SEMA3E: variants seen among roughly 807,000 people sequenced by gnomAD.
SEMA3E encodes semaphorin-3E.
A neutral mutation model predicts 93.6 loss-of-function variants in SEMA3E; 49 were observed. The ratio of observed to expected loss-of-function variants is 0.52; its 90% CI spans 0.42 to 0.66. SEMA3E has a LOEUF of 0.66. Ranked by LOEUF, SEMA3E falls within the 30% of genes least tolerant of loss-of-function variation. The probability of loss-of-function intolerance (pLI) is 0.00; values close to 1 mark genes in which losing one functional copy is unlikely to be tolerated. For synonymous variants in SEMA3E, 363 were observed against 330.7 expected, an observed-to-expected ratio of 1.10 and a Z score of -1.06; for missense variants, 906 against 964.8, an observed-to-expected ratio of 0.94 and a Z score of 0.81.
chr7:83,555,692 T>C (rs907317985), intron 1 of SEMA3E, among the ~76,000 whole-genome samples: 1 of 152,238 alleles, frequency 6.6e-6, no homozygotes, highest in African/African-American at 2.4e-5. Flanking sequence ...CTTAATTCTT[T>C]CTAACAATTG....
intron 1 of SEMA3E, among the ~76,000 whole-genome samples, chr7:83,523,245 A>G (rs779018480): frequency 5.3e-5 from 8 of 152,042 alleles, no homozygotes; most frequent in African/African-American, 9.7e-5. Context: ...ATCTTCCTGA[A>G]CTTGACCTTT....
intron 1 of SEMA3E, among the ~76,000 whole-genome samples, chr7:83,490,570 A>G (rs1305101358): frequency 1.3e-5 from 2 of 152,186 alleles, no homozygotes; most frequent in Non-Finnish European, 2.9e-5. Flanking sequence ...GTCATTTTAC[A>G]GCTCCTCTAA....
intron 1 of SEMA3E, among the ~76,000 whole-genome samples, chr7:83,625,689 C>T (rs1793655749): frequency 6.6e-6 from 1 of 151,922 alleles, no homozygotes; most frequent in Non-Finnish European, 1.5e-5. Context: ...TATTTGAATA[C>T]CCTTTATTTC....
At chr7:83,433,429 A>C (rs970157171) in intron 4 of SEMA3E, among the ~76,000 whole-genome samples, 1 of 152,120 alleles carries the variant, frequency 6.6e-6, no homozygotes, top group Non-Finnish European at 1.5e-5. Flanking sequence ...TCCCAGATTT[A>C]CTAACCGAAA....
intron 4 of SEMA3E, among the ~76,000 whole-genome samples, chr7:83,464,467 T>TGCCG (rs1345990363): frequency 3.9e-5 from 4 of 103,236 alleles, no homozygotes; most frequent in African/African-American, 1.2e-4. Flanking sequence ...TTGTTTACAC[T>TGCCG]GTTTTTCCAA....
At chr7:83,459,326 C>A (rs868441053) in intron 4 of SEMA3E, among the ~76,000 whole-genome samples, 1 of 152,078 alleles carries the variant, frequency 6.6e-6, no homozygotes, top group Non-Finnish European at 1.5e-5. Flanking sequence ...CAACTATTAA[C>A]GCAGAATTCT....
chr7:83,396,165 T>C lies in SEMA3E; in HGVS notation c.1458+473A>G, dbSNP rs141373472. Among the ~76,000 whole-genome samples the C allele has an allele frequency of 5.9e-4, 90 of 152,272 alleles. 1 individual carries two copies. Among genetic ancestry groups the C allele is most frequent in the African/African-American group, 2.0e-3 (84 of 41,576 alleles). On this transcript the variant is annotated intron_variant, in intron 12 of 16. Transcript: ENST00000643230. ...CGTGCACCTATGTATGTTAAGTGTA[T>C]CTGCATATGTAATTGTTTTTTCATG... is the stretch of plus-strand genomic sequence containing the variant.
chr7:83,591,346 T>A (rs1050878660), intron 1 of SEMA3E, among the ~76,000 whole-genome samples: 5 of 151,920 alleles, frequency 3.3e-5, no homozygotes, highest in African/African-American at 1.2e-4. Flanking sequence ...ATTTTGTTAC[T>A]GTTAAAATGC....
chr7:83,417,882 C>A (rs1323817814), intron 5 of SEMA3E, among the ~76,000 whole-genome samples: 1 of 152,008 alleles, frequency 6.6e-6, no homozygotes, highest in Non-Finnish European at 1.5e-5. Context: ...TTGAGCGGAT[C>A]AACTTCTATA....
chr7:83,451,760 AT>A (rs778162413), intron 4 of SEMA3E, among the ~76,000 whole-genome samples: 1 of 152,218 alleles, frequency 6.6e-6, no homozygotes, highest in Non-Finnish European at 1.5e-5. Context: ...ACAATTTACT[AT>A]GTGAAACCAA....
At chr7:83,457,913 C>T (rs1202030419) in intron 4 of SEMA3E, among the ~76,000 whole-genome samples, 2 of 152,110 alleles carry the variant, frequency 1.3e-5, no homozygotes, top group Non-Finnish European at 2.9e-5. Flanking sequence ...AAAGTATTCT[C>T]CTTGCCTAAA....
chr7:83,559,402 G>A (rs1791982000), intron 1 of SEMA3E, among the ~76,000 whole-genome samples: 1 of 151,986 alleles, frequency 6.6e-6, no homozygotes. Context: ...TTTAAAACAG[G>A]AGAAAAAATA....
intron 1 of SEMA3E, among the ~76,000 whole-genome samples, chr7:83,509,067 C>A (rs1223692000): frequency 6.6e-6 from 1 of 152,110 alleles, no homozygotes; most frequent in Non-Finnish European, 1.5e-5. Context: ...CCTAGTTACT[C>A]GTGTCATTAA....
intron 4 of SEMA3E, among the ~76,000 whole-genome samples, chr7:83,431,462 G>A (rs1047638652): frequency 4.6e-5 from 7 of 151,912 alleles, no homozygotes; most frequent in Non-Finnish European, 8.8e-5. Flanking sequence ...TTCTAGAAAG[G>A]TGGCACAATC....
At chr7:83,646,922 C>G (rs969141467) in intron 1 of SEMA3E, among the ~76,000 whole-genome samples, 9 of 151,752 alleles carry the variant, frequency 5.9e-5, no homozygotes, top group Admixed American at 1.3e-4. Flanking sequence ...AAACTGGCAG[C>G]TTATCTACTT....
At chr7:83,416,630 A>AATTTTGC (rs1180448251) in intron 5 of SEMA3E, among the ~76,000 whole-genome samples, 3 of 152,094 alleles carry the variant, frequency 2.0e-5, no homozygotes, top group Admixed American at 2.0e-4. Flanking sequence ...TTCCAAAATT[A>AATTTTGC]ATTTTGCATT....
intron 16 of SEMA3E, 36 bp downstream of exon 16, chr7:83,385,258 A>G (rs778055435): frequency 6.2e-7 from 1 of 1,610,840 alleles, no homozygotes; most frequent in East Asian, 2.2e-5. Context: ...CACTATATGC[A>G]AAATACTATG....
chr7:83,625,798 A>G (rs1374220646), intron 1 of SEMA3E, among the ~76,000 whole-genome samples: 1 of 151,982 alleles, frequency 6.6e-6, no homozygotes, highest in East Asian at 1.9e-4. Flanking sequence ...TTCAAAGGGA[A>G]TGCTTCCAGC....
At chr7:83,500,031 A>T (rs915008355) in intron 1 of SEMA3E, among the ~76,000 whole-genome samples, 1 of 152,230 alleles carries the variant, frequency 6.6e-6, no homozygotes, top group East Asian at 1.9e-4. Flanking sequence ...ATTTTGACTA[A>T]TGAATATTTT....
Sources: allele counts gnomAD v4.1 joint callset (sites outside exome capture counted in the v4.1 genomes callset), GRCh38; gene constraint gnomAD v4.1.1; transcripts MANE v1.5; gene names NCBI Gene and HGNC (gene_info 2026-07-23, HGNC 2026-07-21).